Variants in RBFOX1 observed in about 807,000 individuals in gnomAD.
RBFOX1 encodes RNA binding protein fox-1 homolog 1.
A neutral mutation model predicts 57.7 loss-of-function variants in RBFOX1; 8 were observed. The ratio of observed to expected loss-of-function variants is 0.14; its 90% CI spans 0.08 to 0.25. The LOEUF is 0.25. Among genes scored for constraint, RBFOX1 ranks in the 10% least tolerant of loss-of-function variants. RBFOX1 has a pLI of 1.00. For missense variants in RBFOX1, 611 were observed against 548.5 expected (o/e 1.11, Z -1.14); for synonymous variants, 326 against 222.4 (o/e 1.47, Z -4.15).
Position 5,976,923 on chromosome 16 carries a change from A to G in RBFOX1, c.351+109588A>G, listed in dbSNP as rs148666570. 4.6e-5 allele frequency among the ~76,000 whole-genome samples: 7 copies of G among 152,312 alleles called. No individual in the cohort carries two copies. In the East Asian group the frequency reaches 1.4e-3, roughly 29 times the overall value. On this transcript the variant is annotated intron_variant, in intron 4 of 19. Transcript: ENST00000641259. ...TGATAAAGCAAATTAGATGTGGAACAACGTTAGAAGTGCAGGTTCCTCTCT... is the reference window on the plus strand; with the variant it reads ...TGATAAAGCAAATTAGATGTGGAACGACGTTAGAAGTGCAGGTTCCTCTCT...
chr16:5,523,402 C>G (rs753995269), intron 2 of RBFOX1, among the ~76,000 whole-genome samples: 17 of 152,068 alleles, frequency 1.1e-4, no homozygotes, highest in Non-Finnish European at 2.5e-4. Flanking sequence ...ATCACTTGAG[C>G]CTTGGAGTTT....
At chr16:6,957,255 C>G (rs2082063447) in intron 3 of RBFOX1, among the ~76,000 whole-genome samples, 1 of 151,758 alleles carries the variant, frequency 6.6e-6, no homozygotes, top group Admixed American at 6.6e-5. Flanking sequence ...CCTCAGCCTC[C>G]CGAGTAGCTG....
At chr16:6,661,753 A>G (rs572442951) in intron 3 of RBFOX1, among the ~76,000 whole-genome samples, 2 of 152,172 alleles carry the variant, frequency 1.3e-5, no homozygotes, top group Non-Finnish European at 2.9e-5. Flanking sequence ...CTTCCTTGTG[A>G]TGTGTGACAG....
At chr16:7,215,727 T>TTTC (rs1273979970) in intron 4 of RBFOX1, among the ~76,000 whole-genome samples, 2 of 147,806 alleles carry the variant, frequency 1.4e-5, no homozygotes, top group South Asian at 2.2e-4. Flanking sequence ...TATTCTGGAT[T>TTTC]TTTTTTTTTT....
chr16:7,007,419 A>G (rs74010446), intron 3 of RBFOX1, among the ~76,000 whole-genome samples: 2,201 of 152,292 alleles, frequency 0.014, 57 homozygotes, highest in African/African-American at 0.05. Context: ...ATTTTCCCCA[A>G]TAATCCAGAG....
At chr16:7,301,054 G>A (rs2096018047) in intron 4 of RBFOX1, among the ~76,000 whole-genome samples, 1 of 145,250 alleles carries the variant, frequency 6.9e-6, no homozygotes, top group Admixed American at 6.9e-5. Flanking sequence ...TAGTGGCCTT[G>A]ATATGGCTCT....
At chr16:6,363,082 C>T (rs1052408175) in intron 2 of RBFOX1, among the ~76,000 whole-genome samples, 1 of 152,168 alleles carries the variant, frequency 6.6e-6, no homozygotes, top group Non-Finnish European at 1.5e-5. Flanking sequence ...GAAATTCTAC[C>T]AGAAGAATCA....
In RBFOX1 at chr16:6,487,144, CTGTG is replaced by C. The variant is rs60180975; in HGVS notation, c.-63-167425_-63-167422del. Among the ~76,000 whole-genome samples, 568 of 140,174 alleles carry C rather than the reference CTGTG, an allele frequency of 4.1e-3. 3 individuals are homozygous for C. Among genetic ancestry groups the C allele is most frequent in the East Asian group, 9.9e-3 (40 of 4,052 alleles). 92.0% of individuals were successfully genotyped at this position (140,174 alleles called of 152,430 possible). On this transcript the variant is annotated intron_variant, in intron 2 of 15. Coordinates refer to ENST00000550418, the MANE Select transcript of RBFOX1 (RefSeq NM_018723.4). ...GGGGTTTCAGTAAGTTGTGGGGTTT[CTGTG>C]TGTGTGTGTGTGTGTGTGTGTGTGT...
chr16:7,634,609 G>A (rs2061476985), intron 11 of RBFOX1, among the ~76,000 whole-genome samples: 1 of 152,068 alleles, frequency 6.6e-6, no homozygotes, highest in South Asian at 2.1e-4. Flanking sequence ...CTAACAATGT[G>A]ACCCAGGACT....
intron 4 of RBFOX1, among the ~76,000 whole-genome samples, chr16:7,258,438 C>G (rs2094784684): frequency 6.6e-6 from 1 of 151,982 alleles, no homozygotes; most frequent in Admixed American, 6.6e-5. Context: ...CATTATTTGC[C>G]TGTTTCATCT....
chr16:7,255,029 G>A (rs2094621809), intron 4 of RBFOX1, among the ~76,000 whole-genome samples: 1 of 151,990 alleles, frequency 6.6e-6, no homozygotes, highest in Non-Finnish European at 1.5e-5. Context: ...GCATAATTTT[G>A]GAACTTTATA....
chr16:6,626,478 C>T (rs1161584286), intron 2 of RBFOX1, among the ~76,000 whole-genome samples: 5 of 152,098 alleles, frequency 3.3e-5, no homozygotes, highest in Admixed American at 6.5e-5. Flanking sequence ...ACAGAATTCA[C>T]GCTGGGCATG....
chr16:6,488,044 C>T (rs777884795), intron 2 of RBFOX1, among the ~76,000 whole-genome samples: 2 of 152,110 alleles, frequency 1.3e-5, no homozygotes, highest in South Asian at 4.1e-4. Flanking sequence ...ACCATTTACT[C>T]CACGCTTTCA....
intron 3 of RBFOX1, among the ~76,000 whole-genome samples, chr16:5,639,727 C>T (rs1249510541): frequency 6.6e-6 from 1 of 152,150 alleles, no homozygotes; most frequent in Admixed American, 6.5e-5. Flanking sequence ...GGCTGCTCGG[C>T]ATTTGGGCGG....
chr16:7,159,658 C>T (rs146642883), intron 4 of RBFOX1, among the ~76,000 whole-genome samples: 4 of 152,258 alleles, frequency 2.6e-5, no homozygotes, highest in African/African-American at 9.6e-5. Flanking sequence ...CTGGAGAGCG[C>T]ACAATTTGCA....
chr16:6,798,016 T>C (rs1018837004), intron 3 of RBFOX1, among the ~76,000 whole-genome samples: 1 of 152,086 alleles, frequency 6.6e-6, no homozygotes, highest in South Asian at 2.1e-4. Flanking sequence ...ATGATGATGA[T>C]GATGATGGTG....
intron 4 of RBFOX1, among the ~76,000 whole-genome samples, chr16:7,127,550 T>G (rs1291677535): frequency 3.3e-5 from 5 of 152,316 alleles, no homozygotes; most frequent in African/African-American, 9.6e-5. Context: ...TGTATGTGTA[T>G]GCACGAGCGT....
At chr16:7,172,399 G>T (rs1035368700) in intron 4 of RBFOX1, among the ~76,000 whole-genome samples, 3 of 152,140 alleles carry the variant, frequency 2.0e-5, no homozygotes, top group Non-Finnish European at 2.9e-5. Flanking sequence ...TTTATAGTGT[G>T]AAACACATTG....
At chr16:5,820,391 G>T (rs1355296200) in intron 3 of RBFOX1, among the ~76,000 whole-genome samples, 1 of 152,172 alleles carries the variant, frequency 6.6e-6, no homozygotes, top group East Asian at 1.9e-4. Flanking sequence ...CATTGGAGAA[G>T]AGGTGGGGTG....
Sources: allele counts gnomAD v4.1 joint callset (sites outside exome capture counted in the v4.1 genomes callset), GRCh38; gene constraint gnomAD v4.1.1; transcripts MANE v1.5; gene names NCBI Gene and HGNC (gene_info 2026-07-23, HGNC 2026-07-21).